Variants in ALG14 observed in about 807,000 individuals in gnomAD.
The protein encoded by ALG14 is ALG14 UDP-N-acetylglucosaminyltransferase subunit, also known as UDP-N-acetylglucosamine transferase subunit ALG14.
In ALG14, 17 loss-of-function variants were observed where a neutral mutation model predicts 22.8. That is an observed-to-expected ratio of 0.75 (90% CI 0.51 to 1.12). The LOEUF is 1.12. ALG14 is among the 50% of genes most tolerant of loss of function. ALG14 has a pLI of 0.00. For synonymous variants in ALG14, 89 were observed against 103.7 expected, an observed-to-expected ratio of 0.86 and a Z score of 0.86; for missense variants, 288 against 271.8, an observed-to-expected ratio of 1.06 and a Z score of -0.42.
chr1:94,983,091 A>C lies in ALG14; in HGVS notation c.636T>G (p.Leu212=), dbSNP rs555245521. 6.2e-7 allele frequency: 1 copy of C among 1,614,176 alleles called. No homozygotes were observed. Among genetic ancestry groups the C allele is most frequent in the Admixed American group, 1.7e-5 (1 of 60,020 alleles). ...TTGCCATTTGTCAAACAATTCGCCCAAGGTACACCGATTTGGGATACTTTT... is the reference window on the plus strand; with the variant it reads ...TTGCCATTTGTCAAACAATTCGCCCCAGGTACACCGATTTGGGATACTTTT... The part of the protein sequence containing the change: ...LKEKYPKSVY[L]GRIV The change falls in exon 4 of 4, where the codon CTT becomes CTG. Residue 212 remains leucine, a synonymous_variant. Coordinates refer to ENST00000370205, the MANE Select transcript of ALG14 (RefSeq NM_144988.4).
chr1:95,068,009 C>A (rs1484667991), intron 1 of ALG14, among the ~76,000 whole-genome samples: 1 of 152,148 alleles, frequency 6.6e-6, no homozygotes, highest in African/African-American at 2.4e-5. Flanking sequence ...AGCAATGCCC[C>A]TTCCCCAAAT....
chr1:95,021,449 A>C (rs1047872602), intron 3 of ALG14, among the ~76,000 whole-genome samples: 1 of 152,112 alleles, frequency 6.6e-6, no homozygotes, highest in Non-Finnish European at 1.5e-5. Context: ...GGAGAGCAGC[A>C]CCCTTCTGAG....
At chr1:94,994,912 CA>C (rs931146890) in intron 3 of ALG14, among the ~76,000 whole-genome samples, 1 of 152,112 alleles carries the variant, frequency 6.6e-6, no homozygotes, top group Non-Finnish European at 1.5e-5. Flanking sequence ...AGGTTTTCAG[CA>C]GAGAAAATGG....
intron 3 of ALG14, among the ~76,000 whole-genome samples, chr1:95,006,895 A>G: frequency 6.6e-6 from 1 of 152,206 alleles, no homozygotes; most frequent in East Asian, 1.9e-4. Flanking sequence ...ACTCGGTTTC[A>G]TATTTCCTCA....
chr1:94,995,161 T>C (rs1672876589), intron 3 of ALG14, among the ~76,000 whole-genome samples: 1 of 152,238 alleles, frequency 6.6e-6, no homozygotes, highest in South Asian at 2.1e-4. Flanking sequence ...TGCAGACTAT[T>C]TTTGCAGTAT....
intron 2 of ALG14, among the ~76,000 whole-genome samples, chr1:95,061,384 A>G (rs74103629): frequency 0.046 from 7,017 of 152,212 alleles, 218 homozygotes; most frequent in South Asian, 0.087. Context: ...TTTATATACC[A>G]ATCTTGTTTG....
At chr1:95,005,002 C>T (rs1673178438) in intron 3 of ALG14, among the ~76,000 whole-genome samples, 1 of 152,140 alleles carries the variant, frequency 6.6e-6, no homozygotes, top group Admixed American at 6.5e-5. Context: ...GACTGGGTTT[C>T]ACCATGTTGG....
chr1:94,989,915 G>T (rs1672732625), intron 3 of ALG14, among the ~76,000 whole-genome samples: 1 of 152,176 alleles, frequency 6.6e-6, no homozygotes, highest in South Asian at 2.1e-4. Flanking sequence ...GACAGAGGGG[G>T]CCAGATCACA....
chr1:95,040,833 A>G (rs1674355892), intron 2 of ALG14, among the ~76,000 whole-genome samples: 1 of 152,242 alleles, frequency 6.6e-6, no homozygotes, highest in African/African-American at 2.4e-5. Context: ...AGAATCCCAT[A>G]CAATACAAAT....
chr1:95,047,280 A>C (rs1674593875), intron 2 of ALG14, among the ~76,000 whole-genome samples: 2 of 152,212 alleles, frequency 1.3e-5, no homozygotes, highest in African/African-American at 4.8e-5. Flanking sequence ...AAACTGGTAC[A>C]GTGGTTACTT....
intron 1 of ALG14, among the ~76,000 whole-genome samples, chr1:95,065,997 A>G (rs944749671): frequency 1.3e-5 from 2 of 152,144 alleles, no homozygotes; most frequent in African/African-American, 4.8e-5. Context: ...CACCCATTTC[A>G]GTCTCGTTTC....
chr1:95,042,099 T>G (rs1026644908), intron 2 of ALG14, among the ~76,000 whole-genome samples: 1 of 152,208 alleles, frequency 6.6e-6, no homozygotes, highest in Admixed American at 6.5e-5. Flanking sequence ...CTTGTATCTC[T>G]TCTTAGTTTT....
At chr1:95,065,047 A>C in intron 1 of ALG14, 30 bp from the exon 2 acceptor site, 3 of 1,592,748 alleles carry the variant, frequency 1.9e-6, no homozygotes, top group Non-Finnish European at 2.6e-6. Context: ...TCCTAAGATT[A>C]AGAAACCCAC....
In ALG14 at chr1:94,982,999, T is replaced by A. The variant is rs913400574; in HGVS notation, c.*77A>T. 51 of 1,235,060 alleles carry A rather than the reference T, an allele frequency of 4.1e-5. No individual in the cohort carries two copies. Among genetic ancestry groups the A allele is most frequent in the Non-Finnish European group, 5.8e-5 (49 of 848,802 alleles). 76.5% of individuals were successfully genotyped at this position (1,235,060 alleles called of 1,614,324 possible). On this transcript the variant is annotated 3_prime_UTR_variant, in exon 4 of 4. Coordinates refer to ENST00000370205, the MANE Select transcript of ALG14 (RefSeq NM_144988.4). The stretch of plus-strand genomic sequence containing the variant: ...CTGTCAGACGCCTTTACAAGAAACA[T>A]GTAGGGTTTTTTTCCCCCCAATTTG...
chr1:95,054,134 A>G (rs1674849852), intron 2 of ALG14, among the ~76,000 whole-genome samples: 1 of 152,228 alleles, frequency 6.6e-6, no homozygotes, highest in Non-Finnish European at 1.5e-5. Context: ...AGCACAAATT[A>G]CAATATTAAC....
chr1:94,996,785 G>A (rs1282740410), intron 3 of ALG14, among the ~76,000 whole-genome samples: 2 of 152,056 alleles, frequency 1.3e-5, no homozygotes, highest in South Asian at 2.1e-4. Flanking sequence ...ATGTTCAAGC[G>A]ATTCTCCTGC....
At chr1:95,069,263 C>G (rs530416812) in intron 1 of ALG14, among the ~76,000 whole-genome samples, 1 of 152,216 alleles carries the variant, frequency 6.6e-6, no homozygotes, top group African/African-American at 2.4e-5. Flanking sequence ...ATCGCTTGAT[C>G]CCAGGATTTA....
intron 2 of ALG14, among the ~76,000 whole-genome samples, chr1:95,039,904 G>C (rs1674326692): frequency 6.6e-6 from 1 of 152,188 alleles, no homozygotes; most frequent in East Asian, 1.9e-4. Context: ...CGGGTGCAGT[G>C]ACTCACGCCT....
intron 2 of ALG14, among the ~76,000 whole-genome samples, chr1:95,045,920 TTAGTA>T (rs1469932647): frequency 4.3e-5 from 4 of 93,112 alleles, no homozygotes; most frequent in Non-Finnish European, 8.7e-5. Context: ...ATACTAATAA[TTAGTA>T]TACTAATAGA....
Sources: gnomAD v4.1 joint callset for allele counts (sites outside exome capture counted in the v4.1 genomes callset) on GRCh38, gnomAD v4.1.1 for gene constraint, MANE v1.5 for transcripts, NCBI Gene and HGNC (gene_info 2026-07-23, HGNC 2026-07-21) for gene names.